Variants in UNK observed in about 807,000 individuals in gnomAD.
UNK encodes the protein unk zinc finger, also known as RING finger protein unkempt homolog.
Under a neutral mutation model 97.6 loss-of-function variants are expected in UNK, and 32 were observed. The ratio of observed to expected loss-of-function variants is 0.33; its 90% CI spans 0.25 to 0.44. The LOEUF (loss-of-function observed/expected upper bound fraction) is 0.44, where lower values mean the gene tolerates loss of function less well. Ranked by LOEUF, UNK falls within the 20% of genes least tolerant of loss-of-function variation. UNK has a pLI of 1.00. For synonymous variants in UNK, 441 were observed against 461.2 expected (o/e 0.96, Z 0.56); for missense variants, 771 against 1,098.4 (o/e 0.70, Z 4.21).
At chr17:75,802,767 T>C (rs186264297) in intron 1 of UNK, among the ~76,000 whole-genome samples, 1 of 152,138 alleles carries the variant, frequency 6.6e-6, no homozygotes, top group East Asian at 1.9e-4. Flanking sequence ...TGTTTGAGAG[T>C]GTTAGCTTTT....
Position 75,825,563 on chromosome 17 carries a change from G to C in UNK, c.*1146G>C, listed in dbSNP as rs569929384. On this transcript the variant is annotated 3_prime_UTR_variant, in exon 16 of 16. Coordinates refer to ENST00000589666, the MANE Select transcript of UNK (RefSeq NM_001080419.3). This position sits in a 1 kb window ranked among gnomAD's most constrained non-coding sequence, Gnocchi z 4.4. ...CATTTTAAAAATTGTTCTGTACAGA[G>C]AGAGATGCAGCAGGGGCGGGAGGGC... 6.5e-6 allele frequency: 1 copy of C among 152,758 alleles called. No homozygotes were observed. The highest frequency in any genetic ancestry group is 2.4e-5 in the African/African-American group (1 of 41,590). 9.5% of individuals were successfully genotyped at this position (152,758 alleles called of 1,614,324 possible).
chr17:75,787,965 A>G (rs1281126303), intron 1 of UNK, among the ~76,000 whole-genome samples: 1 of 151,680 alleles, frequency 6.6e-6, no homozygotes, highest in Non-Finnish European at 1.5e-5. Flanking sequence ...CTCCACCCCC[A>G]TAAGGTGAAT....
chr17:75,807,760 T>A (rs2061932106), intron 1 of UNK, among the ~76,000 whole-genome samples: 1 of 151,476 alleles, frequency 6.6e-6, no homozygotes, highest in African/African-American at 2.4e-5. Flanking sequence ...GCCGTTTTTT[T>A]ATATTTTTAG....
At position 75,819,197 on chromosome 17, in the gene UNK, G is replaced by C; in HGVS notation, c.1546+381G>C. 1 of 238,158 alleles carries C rather than the reference G, an allele frequency of 4.2e-6. No individual in the cohort carries two copies. Among genetic ancestry groups the C allele is most frequent in the South Asian group, 8.3e-5 (1 of 12,102 alleles). 14.8% of individuals were successfully genotyped at this position (238,158 alleles called of 1,614,324 possible). A position where few individuals can be genotyped will look rare whatever the true frequency, so the allele number is the denominator to read the frequency against. On this transcript the variant is annotated intron_variant, in intron 11 of 15. Coordinates refer to ENST00000589666, the MANE Select transcript of UNK (RefSeq NM_001080419.3). This position sits in a 1 kb window ranked among gnomAD's most constrained non-coding sequence, Gnocchi z 5.4. ...TCCTTTCTTTCAGTACTCATTTCTA[G>C]GTGCCCGCTTTGTGCCAGGTCCTGT...
intron 1 of UNK, among the ~76,000 whole-genome samples, chr17:75,798,854 CAGG>C: frequency 6.6e-6 from 1 of 152,016 alleles, no homozygotes; most frequent in South Asian, 2.1e-4. Flanking sequence ...ATCATGAGGT[CAGG>C]AGATCGAGAC....
intron 1 of UNK, among the ~76,000 whole-genome samples, chr17:75,798,799 G>A (rs905428677): frequency 1.3e-5 from 2 of 152,046 alleles, no homozygotes; most frequent in African/African-American, 4.8e-5. Context: ...GGGCACGGTG[G>A]CTCACGCCTG....
Position 75,822,665 on chromosome 17 carries a change from G to GGCC in UNK, c.2019+8_2019+10dup, listed in dbSNP as rs770651499. ...CTGGAAGCAGGCCAAGCAGGTACCA[G>GGCC]GCCCCGTGCCTGCCGGCCTTCCCCA... On this transcript the variant is annotated splice_region_variant and intron_variant, in intron 14 of 15. Coordinates refer to ENST00000589666, the MANE Select transcript of UNK (RefSeq NM_001080419.3). 103 of 1,591,324 alleles carry GGCC rather than the reference G, an allele frequency of 6.5e-5. No individual in the cohort carries two copies. The African/African-American group carries it at 1.3e-3, about 20-fold the overall frequency.
intron 1 of UNK, among the ~76,000 whole-genome samples, chr17:75,800,332 G>A: frequency 6.6e-6 from 1 of 151,948 alleles, no homozygotes; most frequent in Non-Finnish European, 1.5e-5. Flanking sequence ...TGGCCTCTCA[G>A]AGTGCTGGGA....
In UNK at chr17:75,816,491, G is replaced by A. The variant is rs920136409; in HGVS notation, c.962-279G>A. 6.6e-6 allele frequency among the ~76,000 whole-genome samples: 1 copy of A among 152,120 alleles called. No homozygotes were observed. The highest frequency in any genetic ancestry group is 2.1e-4 in the South Asian group (1 of 4,828). On this transcript the variant is annotated intron_variant, in intron 7 of 15. Coordinates refer to ENST00000589666, the MANE Select transcript of UNK (RefSeq NM_001080419.3). The surrounding 1 kb of genome is among the most constrained non-coding windows in gnomAD (Gnocchi z 4.0). The stretch of plus-strand genomic sequence containing the variant: ...TGTTTTAGCTCTGTCACTTTGGTGG[G>A]TTTACCTTACCTCTCTGAGCCTCAG...
chr17:75,793,500 T>G, intron 1 of UNK: 1 of 984,928 alleles, frequency 1.0e-6, no homozygotes, highest in Non-Finnish European at 1.2e-6. Flanking sequence ...TGGAAAGGAG[T>G]CTAGCAACTT....
Position 75,813,196 on chromosome 17 carries a change from C to A in UNK, c.741C>A (p.Pro247=). The part of the protein sequence containing the change: ...YHNSKDRRRS[P]RKHKYRSSPC... The stretch of plus-strand genomic sequence containing the variant: ...ACAGCAAGGACCGGCGGCGGAGCCC[C>A]CGGAAGCACAAATACAGGTCCTTAG... Residue 247 remains proline, a synonymous_variant, in exon 5 of 16, where the codon CCC becomes CCA. Coordinates refer to ENST00000589666, the MANE Select transcript of UNK (RefSeq NM_001080419.3). The A allele has an allele frequency of 6.3e-7, 1 of 1,586,764 alleles. No individual in the cohort carries two copies. Among genetic ancestry groups the A allele is most frequent in the East Asian group, 2.3e-5 (1 of 43,414 alleles).
intron 2 of UNK, among the ~76,000 whole-genome samples, chr17:75,811,444 A>T (rs1000324403): frequency 4.6e-5 from 7 of 151,962 alleles, no homozygotes; most frequent in Admixed American, 3.9e-4. Context: ...TGCTGACCCT[A>T]CCCCTAGCCT....
intron 6 of UNK, 132 bp downstream of exon 6, chr17:75,814,010 C>T (rs2061994160): frequency 4.0e-6 from 3 of 755,220 alleles, no homozygotes; most frequent in Admixed American, 5.5e-5. Context: ...CAGCTCTCCC[C>T]TGGCAGTGCC....
Position 75,818,564 on chromosome 17 carries a change from C to T in UNK, c.1372-78C>T. Reference sequence around the variant, plus strand: ...TAGCACGGGCCATTTCCCTTGCCCCCAGCCCCTCTCCAGCCTCTCGTCCTG... The same window carrying T: ...TAGCACGGGCCATTTCCCTTGCCCCTAGCCCCTCTCCAGCCTCTCGTCCTG... On this transcript the variant is annotated intron_variant, in intron 10 of 15. Transcript: ENST00000589666. This position sits in a 1 kb window ranked among gnomAD's most constrained non-coding sequence, Gnocchi z 5.1. 3 of 1,482,632 alleles carry T rather than the reference C, an allele frequency of 2.0e-6. No individual in the cohort carries two copies. Among genetic ancestry groups the T allele is most frequent in the South Asian group, 1.3e-5 (1 of 75,474 alleles). 91.8% of individuals were successfully genotyped at this position (1,482,632 alleles called of 1,614,324 possible).
chr17:75,811,703 G>A (rs1468933850), intron 2 of UNK, among the ~76,000 whole-genome samples: 1 of 152,096 alleles, frequency 6.6e-6, no homozygotes, highest in East Asian at 1.9e-4. Flanking sequence ...AATGGTTGGG[G>A]AAAGGCCAGG....
intron 1 of UNK, among the ~76,000 whole-genome samples, chr17:75,788,240 C>G (rs1162989044): frequency 6.7e-6 from 1 of 150,190 alleles, no homozygotes; most frequent in Non-Finnish European, 1.5e-5. Context: ...AGTGCAGTGG[C>G]GTGATCTCAG....
chr17:75,787,993 G>C (rs1486740644), intron 1 of UNK, among the ~76,000 whole-genome samples: 1 of 152,014 alleles, frequency 6.6e-6, no homozygotes, highest in African/African-American at 2.4e-5. Flanking sequence ...TTGCCCTTGG[G>C]AGTTAGGGGG....
intron 15 of UNK, among the ~76,000 whole-genome samples, chr17:75,823,858 GCTA>G (rs2062093222): frequency 6.6e-6 from 1 of 152,182 alleles, no homozygotes; most frequent in South Asian, 2.1e-4. Context: ...GGACCCCAGG[GCTA>G]CCCCTGCCTT....
intron 4 of UNK, 60 bp from the exon 5 acceptor site, chr17:75,813,018 C>G (rs989664890): frequency 1.3e-6 from 2 of 1,516,548 alleles, no homozygotes; most frequent in Non-Finnish European, 1.8e-6. Context: ...TCCAGTCCTG[C>G]TAGTCTTGGG....
Sources: allele counts gnomAD v4.1 joint callset (sites outside exome capture counted in the v4.1 genomes callset), GRCh38; gene constraint gnomAD v4.1.1; non-coding constraint Gnocchi (gnomAD v3.1); transcripts MANE v1.5; gene names NCBI Gene and HGNC (gene_info 2026-07-23, HGNC 2026-07-21).